The following MLIP variants were observed in gnomAD, a reference collection of about 807,000 sequenced individuals.
MLIP encodes muscular LMNA interacting protein.
In MLIP, 79 loss-of-function variants were observed where a neutral mutation model predicts 84.8. The observed-to-expected ratio is 0.93, with a 90% CI of 0.78 to 1.12. The LOEUF (loss-of-function observed/expected upper bound fraction) is 1.12, where lower values mean the gene tolerates loss of function less well. Ranked by LOEUF, MLIP falls within the 50% of genes most tolerant of loss-of-function variation. The pLI, the probability that MLIP is intolerant of heterozygous loss-of-function variation, is 0.00. For missense variants in MLIP, 1,257 were observed against 1,160.6 expected (o/e 1.08, Z -1.21); for synonymous variants, 504 against 463.0 (o/e 1.09, Z -1.14).
intron 5 of MLIP, among the ~76,000 whole-genome samples, chr6:54,154,253 T>G (rs1028189519): frequency 2.0e-5 from 3 of 152,094 alleles, no homozygotes; most frequent in Admixed American, 2.0e-4. Flanking sequence ...AAATTTTTGC[T>G]CATAAGCATA....
chr6:54,139,338 G>A (rs184492821), intron 4 of MLIP, among the ~76,000 whole-genome samples: 1 of 152,274 alleles, frequency 6.6e-6, no homozygotes, highest in African/African-American at 2.4e-5. Flanking sequence ...AATATAACAG[G>A]AGTAATGTGA....
intron 11 of MLIP, chr6:54,203,902 T>G (rs1191086327): frequency 6.6e-6 from 1 of 152,224 alleles, no homozygotes; most frequent in Non-Finnish European, 1.5e-5. Flanking sequence ...AGTTTCTTAA[T>G]GCACAAAATG....
At chr6:54,103,172 C>A (rs532723990) in intron 1 of MLIP, among the ~76,000 whole-genome samples, 1 of 152,008 alleles carries the variant, frequency 6.6e-6, no homozygotes, top group African/African-American at 2.4e-5. Context: ...ACACAATAAG[C>A]CCCTCATCTT....
intron 11 of MLIP, among the ~76,000 whole-genome samples, chr6:54,220,905 T>C (rs1234503197): frequency 6.6e-6 from 1 of 151,256 alleles, no homozygotes; most frequent in African/African-American, 2.4e-5. Context: ...AGGTAACCTA[T>C]AACGACAAAG....
intron 7 of MLIP, 39 bp from the exon 8 acceptor site, chr6:54,160,701 C>A: frequency 2.6e-6 from 4 of 1,524,914 alleles, no homozygotes; most frequent in Non-Finnish European, 3.6e-6. Flanking sequence ...CTTTTCTTTC[C>A]TTTTCTCTTC....
intron 1 of MLIP, among the ~76,000 whole-genome samples, chr6:54,093,184 T>C (rs956430621): frequency 3.3e-5 from 5 of 152,106 alleles, no homozygotes; most frequent in African/African-American, 1.2e-4. Context: ...GCCCGAGTTA[T>C]TGAATCTTAA....
At chr6:54,225,525 C>A (rs1426875538) in intron 11 of MLIP, among the ~76,000 whole-genome samples, 3 of 152,164 alleles carry the variant, frequency 2.0e-5, no homozygotes, top group African/African-American at 4.8e-5. Flanking sequence ...GCAAGCATAT[C>A]TTCTAAATAA....
chr6:54,125,948 A>G (rs926580143), intron 3 of MLIP, among the ~76,000 whole-genome samples: 1 of 151,530 alleles, frequency 6.6e-6, no homozygotes, highest in Non-Finnish European at 1.5e-5. Context: ...ATTATCTTCA[A>G]GCATCTAGTA....
chr6:54,092,445 T>G (rs1767930161), intron 1 of MLIP, among the ~76,000 whole-genome samples: 1 of 152,164 alleles, frequency 6.6e-6, no homozygotes. Flanking sequence ...TATTAACATC[T>G]TATTTAATAT....
At chr6:54,216,300 A>G (rs917745124) in intron 11 of MLIP, 2 of 985,240 alleles carry the variant, frequency 2.0e-6, no homozygotes, top group South Asian at 4.7e-5. Flanking sequence ...CCTATTTTCT[A>G]TGTTACTTTT....
At position 54,124,784 on chromosome 6, in the gene MLIP, C is replaced by T; in HGVS notation, c.564C>T (p.Pro188=). 1 of 1,614,046 alleles carries T rather than the reference C, an allele frequency of 6.2e-7. No homozygotes were observed. The highest frequency in any genetic ancestry group is 8.5e-7 in the Non-Finnish European group (1 of 1,179,992). ...SSSLVSDVVR[P]KTQGTDLKTS... ...GTCTGGTCTCTGATGTAGTGCGTCC[C>T]AAAACACAGGGGACTGATCTCAAGA... Residue 188 remains proline (P), a synonymous_variant, in exon 3 of 14, where the codon CCC becomes CCT. Coordinates refer to ENST00000502396, the MANE Select transcript of MLIP (RefSeq NM_001281747.2).
chr6:54,250,908 T>G (rs1391242094), intron 12 of MLIP, among the ~76,000 whole-genome samples: 1 of 152,034 alleles, frequency 6.6e-6, no homozygotes, highest in Non-Finnish European at 1.5e-5. Context: ...ACTCAATACT[T>G]TTACTTCCTA....
At chr6:54,127,061 C>G (rs1582213107) in intron 3 of MLIP, among the ~76,000 whole-genome samples, 1 of 152,260 alleles carries the variant, frequency 6.6e-6, no homozygotes, top group East Asian at 1.9e-4. Context: ...TTCCTCTGGT[C>G]AAATGCTTCC....
chr6:54,249,527 G>A (rs918104627), intron 12 of MLIP, among the ~76,000 whole-genome samples: 1 of 151,770 alleles, frequency 6.6e-6, no homozygotes, highest in Non-Finnish European at 1.5e-5. Context: ...CACATAGCAT[G>A]TATTATCCAC....
chr6:54,124,989 A>T (rs1427449986), intron 3 of MLIP, 124 bp downstream of exon 3: 1 of 733,208 alleles, frequency 1.4e-6, no homozygotes, highest in African/African-American at 1.8e-5. Flanking sequence ...AATATATTTA[A>T]AAAACCATTA....
chr6:54,155,515 A>T (rs1369073506), intron 5 of MLIP, among the ~76,000 whole-genome samples: 3 of 152,142 alleles, frequency 2.0e-5, no homozygotes, highest in African/African-American at 2.4e-5. Flanking sequence ...AAGTTTACAG[A>T]TTCTGTTAGA....
At chr6:54,145,718 G>A (rs1346884969) in intron 4 of MLIP, among the ~76,000 whole-genome samples, 1 of 151,980 alleles carries the variant, frequency 6.6e-6, no homozygotes, top group African/African-American at 2.4e-5. Flanking sequence ...AGAGGCTGTA[G>A]TGAGTTGTGA....
At chr6:54,077,079 T>G (rs1766851264) in intron 1 of MLIP, among the ~76,000 whole-genome samples, 1 of 152,188 alleles carries the variant, frequency 6.6e-6, no homozygotes, top group African/African-American at 2.4e-5. Context: ...TGCCTGTTGC[T>G]TTGCCAGATA....
At chr6:54,230,006 A>G (rs1780869922) in intron 11 of MLIP, among the ~76,000 whole-genome samples, 2 of 152,096 alleles carry the variant, frequency 1.3e-5, no homozygotes, top group Middle Eastern at 3.4e-3. Flanking sequence ...AGTAGTTCCT[A>G]CTTCCTCAAA....
Sources: allele counts gnomAD v4.1 joint callset (sites outside exome capture counted in the v4.1 genomes callset), GRCh38; gene constraint gnomAD v4.1.1; transcripts MANE v1.5; gene names NCBI Gene and HGNC (gene_info 2026-07-23, HGNC 2026-07-21).